Variants in SUMF1 observed in about 807,000 individuals in gnomAD.
The protein encoded by SUMF1 is sulfatase modifying factor 1.
A neutral mutation model predicts 47.6 loss-of-function variants in SUMF1; 48 were observed. The ratio of observed to expected loss-of-function variants is 1.01; its 90% CI spans 0.80 to 1.28. The LOEUF (loss-of-function observed/expected upper bound fraction) is 1.28. Among genes scored for constraint, SUMF1 ranks in the 50% most tolerant of loss-of-function variants. The pLI, the probability that SUMF1 is intolerant of heterozygous loss-of-function variation, is 0.00. For synonymous variants in SUMF1, 230 were observed against 192.1 expected (o/e 1.20, Z -1.63); for missense variants, 571 against 485.4 (o/e 1.18, Z -1.66).
rs540804131 is a variant in SUMF1 at position 4,138,202 on chromosome 3, T to C, written c.1015-69457A>G. 3.9e-5 allele frequency among the ~76,000 whole-genome samples: 6 copies of C among 152,248 alleles called. No homozygotes were observed. The South Asian group carries it at 8.3e-4, about 21-fold the overall frequency. On this transcript the variant is annotated intron_variant and NMD_transcript_variant, in intron 8 of 12. Transcript: ENST00000448413. The stretch of plus-strand genomic sequence containing the variant: ...CATGGATTGCAAGACTTAATATTGT[T>C]AAGACGACAACACTACCCAAGGTGA...
At chr3:4,342,088 A>C (rs1267916413) in intron 8 of SUMF1, among the ~76,000 whole-genome samples, 1 of 152,248 alleles carries the variant, frequency 6.6e-6, no homozygotes, top group Non-Finnish European at 1.5e-5. Flanking sequence ...CACATGCCAG[A>C]TGTAATCTAG....
At chr3:4,298,240 G>T (rs1254814792) in intron 8 of SUMF1, among the ~76,000 whole-genome samples, 2 of 152,132 alleles carry the variant, frequency 1.3e-5, no homozygotes, top group African/African-American at 4.8e-5. Context: ...GAAGATCAAG[G>T]TTCCTGGTCA....
chr3:4,121,353 T>G (rs76425956), intron 8 of SUMF1, among the ~76,000 whole-genome samples: 1 of 152,174 alleles, frequency 6.6e-6, no homozygotes, highest in Admixed American at 6.5e-5. Context: ...ATCTTTACTA[T>G]GTACTAGGTT....
At chr3:4,419,882 G>C (rs995839404) in intron 4 of SUMF1, among the ~76,000 whole-genome samples, 182 bp downstream of exon 4, 1 of 152,192 alleles carries the variant, frequency 6.6e-6, no homozygotes, top group Admixed American at 6.6e-5. Context: ...TTATGAGCAA[G>C]GTGCAGTGTT....
intron 8 of SUMF1, among the ~76,000 whole-genome samples, chr3:4,218,976 A>T (rs1696002926): frequency 6.6e-6 from 1 of 151,938 alleles, no homozygotes; most frequent in Non-Finnish European, 1.5e-5. Flanking sequence ...TCAACAGCAG[A>T]TCTCCAAGCT....
rs1703021709 is a variant in SUMF1, at chr3:4,452,928, A to C, written c.392T>G (p.Val131Gly). The C allele has an allele frequency of 6.2e-7, 1 of 1,614,186 alleles. No homozygotes were observed. Among genetic ancestry groups the C allele is most frequent in the Non-Finnish European group, 8.5e-7 (1 of 1,180,034 alleles). ...IDAFYMDAYE[V>G]SNTEFEKFVN... ...AAACTTCTCAAATTCAGTATTACTG[A>C]CTTCATAGGCATCCATGTAAAAGGC... is the stretch of plus-strand genomic sequence containing the variant. The change falls in exon 2 of 9, where the codon GTC becomes GGC. Residue 131 changes from valine (V) to glycine (G), a missense_variant. Coordinates refer to ENST00000272902, the MANE Select transcript of SUMF1 (RefSeq NM_182760.4).
intron 8 of SUMF1, among the ~76,000 whole-genome samples, chr3:4,090,546 T>G (rs773241870): frequency 1.3e-5 from 2 of 152,098 alleles, no homozygotes; most frequent in Non-Finnish European, 2.9e-5. Flanking sequence ...TGAATAAATA[T>G]AAACCACTGT....
chr3:4,204,467 G>A (rs182228336), intron 8 of SUMF1, among the ~76,000 whole-genome samples: 1 of 152,090 alleles, frequency 6.6e-6, no homozygotes, highest in Non-Finnish European at 1.5e-5. Context: ...TCTTACTTGG[G>A]TTAAATCTGC....
chr3:4,301,707 T>C (rs1697970050), intron 8 of SUMF1, among the ~76,000 whole-genome samples: 1 of 152,184 alleles, frequency 6.6e-6, no homozygotes. Context: ...TCACAAATTA[T>C]TTTCCCAGTT....
At chr3:4,138,471 A>G (rs1448554033) in intron 8 of SUMF1, among the ~76,000 whole-genome samples, 2 of 152,140 alleles carry the variant, frequency 1.3e-5, no homozygotes, top group East Asian at 3.9e-4. Flanking sequence ...ATCAGAGACT[A>G]AACTTATTAG....
intron 8 of SUMF1, among the ~76,000 whole-genome samples, chr3:4,308,326 C>T (rs868679065): frequency 6.6e-6 from 1 of 152,224 alleles, no homozygotes; most frequent in Non-Finnish European, 1.5e-5. Flanking sequence ...TGAACACGTA[C>T]ATGCTAATCC....
intron 7 of SUMF1, among the ~76,000 whole-genome samples, chr3:4,394,837 C>A (rs1157966534): frequency 6.6e-6 from 1 of 152,216 alleles, no homozygotes; most frequent in African/African-American, 2.4e-5. Context: ...GCACTAGCTT[C>A]TCCTGTATGA....
chr3:4,300,735 T>C (rs138574740), intron 8 of SUMF1, among the ~76,000 whole-genome samples: 39 of 152,268 alleles, frequency 2.6e-4, no homozygotes, highest in African/African-American at 8.7e-4. Context: ...GAGAAAAGTA[T>C]AAAAGACTAG....
At chr3:4,341,018 T>C (rs1266534835) in intron 8 of SUMF1, among the ~76,000 whole-genome samples, 1 of 152,216 alleles carries the variant, frequency 6.6e-6, no homozygotes, top group Admixed American at 6.5e-5. Flanking sequence ...ATATACGTGC[T>C]GTAGCTTTTG....
At chr3:4,404,528 C>G (rs1434220056) in intron 7 of SUMF1, among the ~76,000 whole-genome samples, 1 of 152,224 alleles carries the variant, frequency 6.6e-6, no homozygotes, top group East Asian at 1.9e-4. Context: ...AAGGCTGAGG[C>G]GGGTGAATCA....
intron 8 of SUMF1, among the ~76,000 whole-genome samples, chr3:4,243,069 T>A (rs2124999168): frequency 6.6e-6 from 1 of 152,354 alleles, no homozygotes; most frequent in South Asian, 2.1e-4. Flanking sequence ...TATAGTATTC[T>A]CTGATGGTAG....
At chr3:4,207,640 C>CA (rs1187957920) in intron 8 of SUMF1, among the ~76,000 whole-genome samples, 1 of 152,006 alleles carries the variant, frequency 6.6e-6, no homozygotes, top group African/African-American at 2.4e-5. Flanking sequence ...TTAACCTTGC[C>CA]ATGTGAGGAG....
At chr3:4,167,215 G>A (rs1239265780) in intron 8 of SUMF1, among the ~76,000 whole-genome samples, 2 of 152,002 alleles carry the variant, frequency 1.3e-5, no homozygotes, top group African/African-American at 4.8e-5. Flanking sequence ...AAGATTTATT[G>A]TGAAGAGCGA....
chr3:4,300,688 C>T (rs1309006091), intron 8 of SUMF1, among the ~76,000 whole-genome samples: 1 of 152,124 alleles, frequency 6.6e-6, no homozygotes, highest in Non-Finnish European at 1.5e-5. Flanking sequence ...AAAAGCAAGT[C>T]ACTAAAAAAT....
Sources: gnomAD v4.1 joint callset for allele counts (sites outside exome capture counted in the v4.1 genomes callset) on GRCh38, gnomAD v4.1.1 for gene constraint, MANE v1.5 for transcripts, NCBI Gene and HGNC (gene_info 2026-07-23, HGNC 2026-07-21) for gene names.